The following GALC variants were observed in gnomAD, a reference collection of about 807,000 sequenced individuals.
GALC encodes the protein galactosylceramidase, also known as galactocerebrosidase.
In GALC, 77 loss-of-function variants were observed where a neutral mutation model predicts 91.8. That is an observed-to-expected ratio of 0.84 (90% CI 0.70 to 1.01). GALC has a LOEUF of 1.01. Ranked by LOEUF, GALC falls within the 50% of genes least tolerant of loss-of-function variation. GALC has a pLI of 0.00. For missense variants in GALC, 882 were observed against 855.9 expected (o/e 1.03, Z -0.38); for synonymous variants, 357 against 306.7 (o/e 1.16, Z -1.71).
intron 14 of GALC, among the ~76,000 whole-genome samples, chr14:87,943,746 C>T (rs1884954539): frequency 1.3e-5 from 2 of 152,014 alleles, no homozygotes; most frequent in African/African-American, 4.8e-5. Context: ...CCTCCTTTTC[C>T]CACAATAAGT....
At chr14:87,983,158 T>C (rs1460242979) in intron 5 of GALC, among the ~76,000 whole-genome samples, 1 of 151,806 alleles carries the variant, frequency 6.6e-6, no homozygotes, top group Admixed American at 6.6e-5. Context: ...GCCAACATAG[T>C]GAAACCCCGT....
Position 87,954,799 on chromosome 14 carries a change from T to C in GALC, c.1162-4051A>G. 1.9e-6 allele frequency: 3 copies of C among 1,604,268 alleles called. 1 individual carries two copies. The Admixed American group carries it at 5.0e-5, about 27-fold the overall frequency. On this transcript the variant is annotated intron_variant, in intron 10 of 16. Coordinates refer to ENST00000261304, the MANE Select transcript of GALC (RefSeq NM_000153.4). ...CATCATATATACTGGCTGCGCAAAA[T>C]ATGGATTGGAACTAGAAACAGATAA...
Position 87,963,440 on chromosome 14 carries a change from T to C in GALC, c.1105A>G (p.Ser369Gly). 6.2e-7 allele frequency: 1 copy of C among 1,612,234 alleles called. No homozygotes were observed. The highest frequency in any genetic ancestry group is 8.5e-7 in the Non-Finnish European group (1 of 1,178,416). ...AAGCCATCAGTCAGAGCTACGTAGC[T>C]TCCTCCTTTCTCTAAATGGCCAACT... ...KTVGHLEKGG[S>G]YVALTDGLGN... is the part of the protein sequence containing the mutation. The change falls in exon 10 of 17, where the codon AGC (serine) becomes GGC (glycine). Residue 369 changes from serine to glycine, a missense_variant. By Grantham distance (56) the Ser-to-Gly change is moderately conservative. Coordinates refer to ENST00000261304, the MANE Select transcript of GALC (RefSeq NM_000153.4).
chr14:87,939,838 A>G, intron 16 of GALC, 67 bp downstream of exon 16: 1 of 1,111,780 alleles, frequency 9.0e-7, no homozygotes, highest in Non-Finnish European at 1.4e-6. Flanking sequence ...CTATTTTATA[A>G]CAGAAAATTA....
chr14:87,988,545 A>C, intron 1 of GALC, 22 bp from the exon 2 acceptor site: 1 of 1,540,136 alleles, frequency 6.5e-7, no homozygotes, highest in Middle Eastern at 1.7e-4. Context: ...AGTTTTCAAA[A>C]GTATGAATAA....
At chr14:87,988,356 C>T in intron 2 of GALC, 99 bp downstream of exon 2, 3 of 1,283,252 alleles carry the variant, frequency 2.3e-6, no homozygotes, top group Non-Finnish European at 3.4e-6. Flanking sequence ...GCCATTTTTT[C>T]AAAAACTAGA....
At chr14:87,950,438 G>GT (rs1466174720) in intron 11 of GALC, among the ~76,000 whole-genome samples, 1 of 151,578 alleles carries the variant, frequency 6.6e-6, no homozygotes, top group African/African-American at 2.4e-5. Flanking sequence ...AGTGACTTTT[G>GT]TAAGTGTTCC....
intron 15 of GALC, among the ~76,000 whole-genome samples, chr14:87,941,038 C>T (rs942683102): frequency 2.6e-5 from 4 of 151,860 alleles, no homozygotes; most frequent in Non-Finnish European, 5.9e-5. Context: ...CAGCAACAGT[C>T]GTATACTCTT....
chr14:87,941,670 T>G, intron 14 of GALC, 112 bp from the exon 15 acceptor site: 1 of 820,116 alleles, frequency 1.2e-6, no homozygotes, highest in Non-Finnish European at 2.1e-6. Context: ...GGTGAGAATG[T>G]GATTTGCTAA....
intron 1 of GALC, chr14:87,992,600 G>A (rs1312566206): frequency 1.6e-5 from 23 of 1,454,884 alleles, no homozygotes; most frequent in Non-Finnish European, 2.1e-5. Flanking sequence ...GCCCTTTCTG[G>A]AGCGACGCTC....
In GALC at chr14:87,986,294, T is replaced by C. The variant is rs55826746; in HGVS notation, c.442+195A>G. 9.1e-4 allele frequency among the ~76,000 whole-genome samples: 138 copies of C among 152,268 alleles called. 2 individuals are homozygous for C. The highest frequency in any genetic ancestry group is 3.3e-3 in the African/African-American group (138 of 41,548). ...AGAGTCATGCCTTACTCCACAGGTATTATAAGGATTCAACATAATATACAA... is the reference window on the plus strand; with the variant it reads ...AGAGTCATGCCTTACTCCACAGGTACTATAAGGATTCAACATAATATACAA... On this transcript the variant is annotated intron_variant, in intron 4 of 16. Coordinates refer to ENST00000261304, the MANE Select transcript of GALC (RefSeq NM_000153.4).
intron 10 of GALC, among the ~76,000 whole-genome samples, chr14:87,959,212 A>G (rs1207468993): frequency 6.6e-6 from 1 of 152,198 alleles, no homozygotes; most frequent in African/African-American, 2.4e-5. Context: ...CAATGGGTAC[A>G]TGAAAAAATA....
At chr14:87,962,592 CACACACA>C (rs1885853040) in intron 10 of GALC, among the ~76,000 whole-genome samples, 3 of 55,060 alleles carry the variant, frequency 5.4e-5, no homozygotes, top group Admixed American at 3.7e-4. Flanking sequence ...CACACACACA[CACACACA>C]CACACACACA....
At chr14:87,971,650 C>A (rs890830794) in intron 7 of GALC, among the ~76,000 whole-genome samples, 3 of 152,084 alleles carry the variant, frequency 2.0e-5, no homozygotes, top group African/African-American at 7.2e-5. Context: ...AACATGTAAT[C>A]AGTGTAAAAC....
rs117070068 is a variant in GALC at position 87,980,771 on chromosome 14, C to T, written c.621+1434G>A. The T allele has an allele frequency of 2.6e-5, 4 of 152,298 alleles. No individual in the cohort carries two copies. The East Asian group carries it at 7.7e-4, about 29-fold the overall frequency. The allele number at this position is 152,298 out of a possible 1,614,324, so 9.4% of individuals were successfully genotyped here. ...ACCACCCTCCCCAATACAAAAAATC[C>T]TTTTGGGCAGAAAACAGTATTCTCT... On this transcript the variant is annotated intron_variant, in intron 6 of 16. Transcript: ENST00000261304.
At chr14:87,993,411 TGGA>T (rs1232767633), upstream of GALC, 1 of 1,535,740 alleles carries the variant, frequency 6.5e-7, no homozygotes, top group Non-Finnish European at 8.7e-7. Flanking sequence ...CGTCACCTGG[TGGA>T]GCACTTTAAC....
chr14:87,984,425 C>A lies in GALC; in HGVS notation c.551G>T (p.Arg184Leu). 1 of 1,613,932 alleles carries A rather than the reference C, an allele frequency of 6.2e-7. No individual in the cohort carries two copies. The highest frequency in any genetic ancestry group is 8.5e-7 in the Non-Finnish European group (1 of 1,179,886). Residue 184 changes from arginine to leucine, a missense_variant, in exon 5 of 17, where the codon CGT becomes CTT. Transcript: ENST00000261304. ...YVVTWIVGAK[R>L]YHDLDIDYIG... The stretch of plus-strand genomic sequence containing the variant: ...ATAATCAATGTCCAAATCATGGTAA[C>A]GCTTGGCGCCCACAATCCAGGTCAC...
intron 8 of GALC, 121 bp downstream of exon 8, chr14:87,968,214 A>G: frequency 1.2e-6 from 1 of 809,710 alleles, no homozygotes; most frequent in Non-Finnish European, 2.0e-6. Flanking sequence ...TGACGCTAAC[A>G]AGGCAAAATG....
intron 10 of GALC, chr14:87,953,838 T>G (rs762529906): frequency 5.0e-6 from 8 of 1,609,818 alleles, no homozygotes; most frequent in Non-Finnish European, 6.8e-6. Context: ...CATGGTGCTA[T>G]CTCCATGTCA....
Sources: gnomAD v4.1 joint callset for allele counts (sites outside exome capture counted in the v4.1 genomes callset) on GRCh38, gnomAD v4.1.1 for gene constraint, MANE v1.5 for transcripts, NCBI Gene and HGNC (gene_info 2026-07-23, HGNC 2026-07-21) for gene names.